Variants in TNFSF11 observed in about 807,000 individuals in gnomAD.
The protein encoded by TNFSF11 is TNF superfamily member 11, also known as tumor necrosis factor ligand superfamily member 11.
Under a neutral mutation model 32.2 loss-of-function variants are expected in TNFSF11, and 12 were observed. The ratio of observed to expected loss-of-function variants is 0.37; its 90% CI spans 0.24 to 0.60. The LOEUF (loss-of-function observed/expected upper bound fraction) is 0.60. Among genes scored for constraint, TNFSF11 ranks in the 20% least tolerant of loss-of-function variants. The probability of loss-of-function intolerance (pLI) is 0.66; values close to 1 mark genes in which losing one functional copy is unlikely to be tolerated. For synonymous variants in TNFSF11, 172 were observed against 152.1 expected, an observed-to-expected ratio of 1.13 and a Z score of -0.96; for missense variants, 345 against 398.0, an observed-to-expected ratio of 0.87 and a Z score of 1.13.
chr13:42,583,431 A>AAAAAAAG (rs1873719326), intron 2 of TNFSF11, among the ~76,000 whole-genome samples: 1 of 91,430 alleles, frequency 1.1e-5, no homozygotes, highest in Non-Finnish European at 2.5e-5. Flanking sequence ...AAAAAAAAAA[A>AAAAAAAG]AAAAAAAGAA....
At chr13:42,570,167 G>A (rs1873012544), upstream of TNFSF11, among the ~76,000 whole-genome samples, 1 of 152,148 alleles carries the variant, frequency 6.6e-6, no homozygotes, top group Non-Finnish European at 1.5e-5. Context: ...AACAGCTATA[G>A]TATTTGTACC....
At chr13:42,579,408 C>G (rs927331815) in intron 1 of TNFSF11, among the ~76,000 whole-genome samples, 1 of 121,132 alleles carries the variant, frequency 8.3e-6, no homozygotes, top group Non-Finnish European at 1.7e-5. Flanking sequence ...AAGCAAGACC[C>G]TGTCTTCAAA....
At chr13:42,583,513 G>A (rs1409588866) in intron 2 of TNFSF11, among the ~76,000 whole-genome samples, 1 of 149,108 alleles carries the variant, frequency 6.7e-6, no homozygotes, top group Non-Finnish European at 1.5e-5. Flanking sequence ...CAATACCAAC[G>A]GGTTAAAGGA....
chr13:42,600,800 A>G lies in TNFSF11; in HGVS notation c.433+3A>G. ...ACAGCACATCAGAGCAGAGAAAGGT[A>G]AGCATGGATCCATACATCTGTATGA... On this transcript the variant is annotated splice_donor_region_variant and intron_variant, in intron 3 of 4. Transcript: ENST00000398795. 6.2e-7 allele frequency: 1 copy of G among 1,614,174 alleles called. No homozygotes were observed.
intron 2 of TNFSF11, among the ~76,000 whole-genome samples, chr13:42,584,222 G>A (rs1041149168): frequency 3.3e-5 from 5 of 152,188 alleles, no homozygotes; most frequent in South Asian, 2.1e-4. Context: ...GAGAACAAGC[G>A]GCTTACTGTG....
At chr13:42,578,894 G>T (rs1201364852) in intron 1 of TNFSF11, among the ~76,000 whole-genome samples, 1 of 152,224 alleles carries the variant, frequency 6.6e-6, no homozygotes, top group Non-Finnish European at 1.5e-5. Flanking sequence ...TAAAATTGGT[G>T]TCAGGGAACT....
intron 1 of TNFSF11, 42 bp downstream of exon 1, chr13:42,574,564 C>G: frequency 1.3e-6 from 2 of 1,586,182 alleles, no homozygotes; most frequent in Non-Finnish European, 8.5e-7. Flanking sequence ...TGAGAGCGCC[C>G]ATCTCCTTCC....
chr13:42,588,442 G>A (rs544875380), intron 2 of TNFSF11, among the ~76,000 whole-genome samples: 5 of 152,326 alleles, frequency 3.3e-5, no homozygotes, highest in Admixed American at 1.3e-4. Flanking sequence ...AGAGCTGGAA[G>A]GACATGCTTG....
chr13:42,596,654 C>G (rs965373110), intron 2 of TNFSF11, among the ~76,000 whole-genome samples: 22 of 152,118 alleles, frequency 1.4e-4, no homozygotes, highest in Non-Finnish European at 4.4e-5. Context: ...TAACAAAAGT[C>G]AAATATGGTA....
At chr13:42,603,664 G>C (rs562907540) in intron 4 of TNFSF11, among the ~76,000 whole-genome samples, 7 of 152,074 alleles carry the variant, frequency 4.6e-5, no homozygotes, top group Non-Finnish European at 7.3e-5. Flanking sequence ...CCTGAGCTGA[G>C]CTCTCCTGCT....
rs71202227 is a variant in TNFSF11 at position 42,583,444 on chromosome 13, G to GAAAAAAAAAAAAAAAAAAAAAAAA, written c.387+2153_387+2154insAAAAAAAAAAAAAAAAAAAAAAAA. 2.4e-4 allele frequency among the ~76,000 whole-genome samples: 23 copies of GAAAAAAAAAAAAAAAAAAAAAAAA among 95,626 alleles called. 4 individuals are homozygous for GAAAAAAAAAAAAAAAAAAAAAAAA. The highest frequency in any genetic ancestry group is 6.5e-3 in the Middle Eastern group (1 of 154). 62.7% of individuals were successfully genotyped at this position (95,626 alleles called of 152,430 possible). A position where few individuals can be genotyped will look rare whatever the true frequency, so the allele number is the denominator to read the frequency against. On this transcript the variant is annotated intron_variant, in intron 2 of 4. Transcript: ENST00000398795. ...AAAAAAAAAAAAAAAAAAAAGAAAGGAAGAAAGGAAGGAAGGAAAAAGATT... is the reference window on the plus strand; with the variant it reads ...AAAAAAAAAAAAAAAAAAAAGAAAGGAAAAAAAAAAAAAAAAAAAAAAAAAAGAAAGGAAGGAAGGAAAAAGATT...
At chr13:42,576,478 G>A (rs957815724) in intron 1 of TNFSF11, among the ~76,000 whole-genome samples, 16 of 152,290 alleles carry the variant, frequency 1.1e-4, no homozygotes, top group African/African-American at 3.1e-4. Flanking sequence ...GTGTGAGTTA[G>A]TAAGTCTAGC....
chr13:42,569,615 GA>G (rs1417593812), upstream of TNFSF11, among the ~76,000 whole-genome samples: 1 of 151,890 alleles, frequency 6.6e-6, no homozygotes, highest in Admixed American at 6.6e-5. Context: ...GTTAGAGTCA[GA>G]GAGAAGCTGT....
At chr13:42,572,080 C>T (rs966106202), upstream of TNFSF11, among the ~76,000 whole-genome samples, 4 of 152,132 alleles carry the variant, frequency 2.6e-5, no homozygotes, top group Non-Finnish European at 5.9e-5. Flanking sequence ...ACCTGTGAAA[C>T]AGCAGCAGGT....
intron 2 of TNFSF11, among the ~76,000 whole-genome samples, chr13:42,568,703 G>C (rs1872953935): frequency 1.3e-5 from 2 of 152,170 alleles, no homozygotes; most frequent in African/African-American, 4.8e-5. Context: ...GAAGAAGAGT[G>C]ATCAAAGGAG....
intron 2 of TNFSF11, among the ~76,000 whole-genome samples, chr13:42,585,006 T>C (rs1158268612): frequency 6.6e-6 from 1 of 152,240 alleles, no homozygotes; most frequent in East Asian, 1.9e-4. Context: ...TTAGAATCAA[T>C]CAGTGTTCAT....
Position 42,581,141 on chromosome 13 carries a change from A to G in TNFSF11, c.235A>G (p.Ile79Val), listed in dbSNP as rs1212358207. 5 of 1,614,110 alleles carry G rather than the reference A, an allele frequency of 3.1e-6. No homozygotes were observed. Among genetic ancestry groups the G allele is most frequent in the Admixed American group, 1.7e-5 (1 of 60,022 alleles). The change falls in exon 2 of 5, where the codon ATA (isoleucine) becomes GTA (valine). Residue 79 changes from isoleucine to valine, a missense_variant. Ile to Val is a conservative substitution (Grantham distance 29, BLOSUM62 3). This residue lies in a region of TNFSF11 where 197 missense variants were observed against 182.0 expected (regional missense o/e 1.08). Coordinates refer to ENST00000398795, the MANE Select transcript of TNFSF11 (RefSeq NM_003701.4). ...YFRAQMDPNRISEDGTHCIYR... is the reference protein window; with the variant it reads ...YFRAQMDPNRVSEDGTHCIYR... Reference sequence around the variant, plus strand: ...TCCTCCTCAGATGGATCCTAATAGAATATCAGAAGATGGCACTCACTGCAT... The same window carrying G: ...TCCTCCTCAGATGGATCCTAATAGAGTATCAGAAGATGGCACTCACTGCAT...
intron 2 of TNFSF11, among the ~76,000 whole-genome samples, chr13:42,590,773 G>A (rs891486852): frequency 2.6e-5 from 4 of 152,184 alleles, no homozygotes; most frequent in African/African-American, 9.7e-5. Flanking sequence ...ACTACTTTAT[G>A]AAAACCCAAG....
chr13:42,587,247 A>T (rs559857200), intron 2 of TNFSF11, among the ~76,000 whole-genome samples: 4 of 152,352 alleles, frequency 2.6e-5, no homozygotes, highest in Admixed American at 6.5e-5. Context: ...CAGTAGCATC[A>T]TATCGGCTGG....
Sources: allele counts gnomAD v4.1 joint callset (sites outside exome capture counted in the v4.1 genomes callset), GRCh38; gene constraint gnomAD v4.1.1; regional missense constraint gnomAD v4.1.1; transcripts MANE v1.5; gene names NCBI Gene and HGNC (gene_info 2026-07-23, HGNC 2026-07-21).